The following SPON1 variants were observed in gnomAD, a reference collection of about 807,000 sequenced individuals.
SPON1 encodes spondin-1.
A neutral mutation model predicts 111.7 loss-of-function variants in SPON1; 52 were observed. That is an observed-to-expected ratio of 0.47 (90% CI 0.37 to 0.59). SPON1 has a LOEUF of 0.59. Among genes scored for constraint, SPON1 ranks in the 20% least tolerant of loss-of-function variants. SPON1 has a pLI of 0.00. For synonymous variants in SPON1, 410 were observed against 395.8 expected, an observed-to-expected ratio of 1.04 and a Z score of -0.43; for missense variants, 957 against 1,068.5, an observed-to-expected ratio of 0.90 and a Z score of 1.46.
intron 5 of SPON1, among the ~76,000 whole-genome samples, chr11:14,113,568 ATTTTTTTTT>A (rs782780924): frequency 1.9e-4 from 14 of 74,748 alleles, no homozygotes; most frequent in East Asian, 3.2e-4. Context: ...TACTTTTTAA[ATTTTTTTTT>A]TTTTTTTTTT....
At chr11:13,975,647 G>A (rs1848097628) in intron 1 of SPON1, among the ~76,000 whole-genome samples, 1 of 152,176 alleles carries the variant, frequency 6.6e-6, no homozygotes, top group South Asian at 2.1e-4. Context: ...GGCACTCTGA[G>A]TGTCATGGGC....
At chr11:13,965,658 T>A (rs1462175175) in intron 1 of SPON1, among the ~76,000 whole-genome samples, 2 of 152,168 alleles carry the variant, frequency 1.3e-5, no homozygotes, top group African/African-American at 2.4e-5. Context: ...TTGGAAGAGA[T>A]CTTGCAGGAA....
intron 2 of SPON1, among the ~76,000 whole-genome samples, chr11:14,009,992 C>T (rs1358314327): frequency 6.6e-6 from 1 of 152,168 alleles, no homozygotes; most frequent in Non-Finnish European, 1.5e-5. Flanking sequence ...CTGTCTTTCC[C>T]ATCAAATGAG....
At chr11:14,155,708 T>A (rs1186003133) in intron 6 of SPON1, among the ~76,000 whole-genome samples, 12 of 144,718 alleles carry the variant, frequency 8.3e-5, no homozygotes, top group Admixed American at 6.3e-4. Flanking sequence ...TGTCCATGTG[T>A]TCTCATTGTT....
intron 6 of SPON1, among the ~76,000 whole-genome samples, chr11:14,172,307 G>T (rs1270856944): frequency 6.6e-6 from 1 of 151,468 alleles, no homozygotes; most frequent in African/African-American, 2.4e-5. Flanking sequence ...CGATACTAGG[G>T]TTGCAACCCC....
chr11:14,262,481 G>A, intron 14 of SPON1: 2 of 587,572 alleles, frequency 3.4e-6, no homozygotes, highest in Admixed American at 5.9e-5. Flanking sequence ...GAGTCATAGA[G>A]GGAGCATAGA....
chr11:14,221,697 C>CAGAAGGGGGGG (rs1848682797), intron 6 of SPON1, among the ~76,000 whole-genome samples: 1 of 152,214 alleles, frequency 6.6e-6, no homozygotes, highest in Admixed American at 6.5e-5. Flanking sequence ...CCTCCATCTC[C>CAGAAGGGGGGG]TTCTTATCAA....
At chr11:14,240,589 T>TTTTG (rs1379300016) in intron 6 of SPON1, among the ~76,000 whole-genome samples, 2 of 140,252 alleles carry the variant, frequency 1.4e-5, no homozygotes, top group African/African-American at 5.4e-5. Flanking sequence ...AGAAGCAATA[T>TTTTG]TGTGTGTGTG....
At chr11:14,216,160 T>C (rs782359533) in intron 6 of SPON1, among the ~76,000 whole-genome samples, 1 of 152,220 alleles carries the variant, frequency 6.6e-6, no homozygotes, top group Admixed American at 6.5e-5. Flanking sequence ...TTTGGAAAGA[T>C]GCACATACAG....
chr11:14,081,841 C>T (rs186994547), intron 5 of SPON1, among the ~76,000 whole-genome samples: 2 of 152,148 alleles, frequency 1.3e-5, no homozygotes, highest in South Asian at 2.1e-4. Context: ...GAGGGGACTT[C>T]GACATTTGTT....
chr11:14,167,358 T>C (rs1250637070), intron 6 of SPON1, among the ~76,000 whole-genome samples: 1 of 152,084 alleles, frequency 6.6e-6, no homozygotes, highest in Non-Finnish European at 1.5e-5. Context: ...TCATAAGTCA[T>C]TCATTTGGCC....
chr11:14,099,143 G>C (rs1554924170), intron 5 of SPON1, among the ~76,000 whole-genome samples: 2 of 152,126 alleles, frequency 1.3e-5, no homozygotes, highest in African/African-American at 4.8e-5. Context: ...TTTTATGTCA[G>C]TTTTAGAATT....
intron 11 of SPON1, among the ~76,000 whole-genome samples, chr11:14,258,613 C>T (rs1554941497): frequency 1.3e-5 from 2 of 151,992 alleles, no homozygotes; most frequent in African/African-American, 4.8e-5. Context: ...GGGAAAAAAA[C>T]CACTTCCAAG....
intron 3 of SPON1, among the ~76,000 whole-genome samples, chr11:14,051,726 A>G (rs1385806893): frequency 6.6e-6 from 1 of 152,186 alleles, no homozygotes; most frequent in Non-Finnish European, 1.5e-5. Flanking sequence ...TAAGCTACTC[A>G]GTTTATGATA....
intron 6 of SPON1, among the ~76,000 whole-genome samples, chr11:14,170,247 C>G (rs1176667573): frequency 6.6e-6 from 1 of 152,092 alleles, no homozygotes; most frequent in Non-Finnish European, 1.5e-5. Context: ...ATTTTCTTCT[C>G]TTTGAAGCAA....
At position 14,265,738 on chromosome 11, in the gene SPON1, G is replaced by T. The variant is rs782241204; in HGVS notation, c.*51G>T. 1 of 1,574,506 alleles carries T rather than the reference G, an allele frequency of 6.4e-7. No homozygotes were observed. Reference sequence around the variant, plus strand: ...CACTCTAGATTCCAGAGTCACCAATGGCTGGATTATTTGCTTGTTTAAGAC... The same window carrying T: ...CACTCTAGATTCCAGAGTCACCAATTGCTGGATTATTTGCTTGTTTAAGAC... On this transcript the variant is annotated 3_prime_UTR_variant, in exon 16 of 16. Transcript: ENST00000576479.
At chr11:13,969,537 G>A (rs1848046651) in intron 1 of SPON1, among the ~76,000 whole-genome samples, 1 of 152,152 alleles carries the variant, frequency 6.6e-6, no homozygotes, top group Non-Finnish European at 1.5e-5. Context: ...GAAAACAAAG[G>A]GGTGGTGTGG....
At chr11:14,012,583 T>G (rs141533798) in intron 2 of SPON1, among the ~76,000 whole-genome samples, 6 of 152,168 alleles carry the variant, frequency 3.9e-5, no homozygotes, top group Non-Finnish European at 7.3e-5. Flanking sequence ...AACCATTTTG[T>G]CCACCGATTT....
chr11:14,262,351 C>G (rs1167821144), intron 14 of SPON1: 1 of 243,894 alleles, frequency 4.1e-6, no homozygotes, highest in African/African-American at 2.2e-5. Flanking sequence ...AAAAATATCA[C>G]CAGTGAGTTT....
Sources: gnomAD v4.1 joint callset for allele counts (sites outside exome capture counted in the v4.1 genomes callset) on GRCh38, gnomAD v4.1.1 for gene constraint, MANE v1.5 for transcripts, NCBI Gene and HGNC (gene_info 2026-07-23, HGNC 2026-07-21) for gene names.